MIR2052HG: variants seen among roughly 807,000 people sequenced by gnomAD.
MIR2052HG encodes MIR2052 host gene.
At chr8:74,704,015 ATATTTGAG>A (rs763710012) in intron 4 of MIR2052HG, among the ~76,000 whole-genome samples, 4 of 151,970 alleles carry the variant, frequency 2.6e-5, no homozygotes, top group African/African-American at 4.8e-5. Flanking sequence ...TGTAAAAGGG[ATATTTGAG>A]TAGGGTGGTA....
At chr8:74,742,743 G>A (rs769739669) in intron 4 of MIR2052HG, among the ~76,000 whole-genome samples, 4 of 152,094 alleles carry the variant, frequency 2.6e-5, no homozygotes, top group African/African-American at 9.7e-5. Context: ...CAAGTTATTA[G>A]TTCTCTAGGT....
intron 1 of MIR2052HG, among the ~76,000 whole-genome samples, chr8:74,605,211 G>A (rs1338653424): frequency 6.6e-6 from 1 of 152,118 alleles, no homozygotes; most frequent in East Asian, 1.9e-4. Flanking sequence ...TTACTTGCAT[G>A]CTATTTTTAC....
chr8:74,746,567 AGT>A (rs72103010), intron 4 of MIR2052HG, among the ~76,000 whole-genome samples: 42,025 of 147,468 alleles, frequency 0.28, 6,277 homozygotes, highest in East Asian at 0.65. Context: ...GAGGAGAAGA[AGT>A]GTGTGTGTGT....
chr8:74,621,566 G>A (rs1383463837), intron 2 of MIR2052HG, among the ~76,000 whole-genome samples: 1 of 152,184 alleles, frequency 6.6e-6, no homozygotes, highest in Non-Finnish European at 1.5e-5. Context: ...AGTGCAAGCA[G>A]GGGAAATGCC....
intron 2 of MIR2052HG, among the ~76,000 whole-genome samples, chr8:74,682,830 T>G (rs1057490746): frequency 8.5e-5 from 13 of 152,168 alleles, no homozygotes; most frequent in African/African-American, 2.2e-4. Flanking sequence ...GTAGAAGGAT[T>G]GTTACAGAAA....
chr8:74,730,876 A>T lies in MIR2052HG; in HGVS notation n.372-21565A>T, dbSNP rs564027787. 2.0e-5 allele frequency among the ~76,000 whole-genome samples: 3 copies of T among 152,204 alleles called. No individual in the cohort carries two copies. In the East Asian group the frequency reaches 5.8e-4, roughly 29 times the overall value. On this transcript the variant is annotated intron_variant and non_coding_transcript_variant, in intron 4 of 6. Transcript: ENST00000523442. The stretch of plus-strand genomic sequence containing the variant: ...TTGAAATAAAGGTGAGAATATATAC[A>T]GGATCTTGGGCGGTGGCCAGTGGCC...
At chr8:74,699,524 T>C (rs1809336858) in intron 2 of MIR2052HG, among the ~76,000 whole-genome samples, 1 of 151,730 alleles carries the variant, frequency 6.6e-6, no homozygotes, top group East Asian at 1.9e-4. Context: ...ATATTCTAAG[T>C]GAAGTAACTC....
chr8:74,622,903 G>A (rs1184061515), intron 2 of MIR2052HG, among the ~76,000 whole-genome samples: 1 of 151,942 alleles, frequency 6.6e-6, no homozygotes, highest in Non-Finnish European at 1.5e-5. Context: ...ATTACCTTAA[G>A]TGAAATAAGC....
chr8:74,605,327 TG>T (rs563273460), intron 1 of MIR2052HG, among the ~76,000 whole-genome samples: 66 of 152,360 alleles, frequency 4.3e-4, no homozygotes, highest in African/African-American at 1.5e-3. Context: ...AAAAGCTTCG[TG>T]GGCTAAGCAG....
intron 3 of MIR2052HG, among the ~76,000 whole-genome samples, chr8:74,703,181 G>A (rs1809375135): frequency 6.6e-6 from 1 of 152,034 alleles, no homozygotes; most frequent in Non-Finnish European, 1.5e-5. Flanking sequence ...TAGCGTAAGA[G>A]TACATAGGAC....
chr8:74,633,792 G>A (rs1323921305), intron 2 of MIR2052HG, among the ~76,000 whole-genome samples: 3 of 152,132 alleles, frequency 2.0e-5, no homozygotes, highest in Non-Finnish European at 4.4e-5. Flanking sequence ...GCAATTGGCT[G>A]GTTATAAAGA....
chr8:74,732,690 T>C lies in MIR2052HG; in HGVS notation n.372-19751T>C, dbSNP rs545371015. Reference sequence around the variant, plus strand: ...CAATATAGAACTCTCTCTGAGTAGATGAAGTTTATGTAGAGACCTGAATAA... The same window carrying C: ...CAATATAGAACTCTCTCTGAGTAGACGAAGTTTATGTAGAGACCTGAATAA... On this transcript the variant is annotated intron_variant and non_coding_transcript_variant, in intron 4 of 6. Transcript: ENST00000523442. Among the ~76,000 whole-genome samples the C allele has an allele frequency of 8.5e-5, 13 of 152,284 alleles. 1 individual carries two copies. The South Asian group carries it at 2.5e-3, about 29-fold the overall frequency.
chr8:74,652,200 T>C (rs1272824889), intron 2 of MIR2052HG, among the ~76,000 whole-genome samples: 2 of 152,214 alleles, frequency 1.3e-5, no homozygotes, highest in African/African-American at 4.8e-5. Context: ...AAGGCTGTCT[T>C]ACTCAAAGTA....
At chr8:74,752,947 A>C (rs774755716) in intron 5 of MIR2052HG, among the ~76,000 whole-genome samples, 3 of 152,228 alleles carry the variant, frequency 2.0e-5, no homozygotes, top group Non-Finnish European at 4.4e-5. Context: ...AACTTTATGC[A>C]AGTGACTATT....
chr8:74,745,432 T>G (rs1809873768), intron 4 of MIR2052HG, among the ~76,000 whole-genome samples: 1 of 152,234 alleles, frequency 6.6e-6, no homozygotes, highest in South Asian at 2.1e-4. Flanking sequence ...CTCATATATT[T>G]AAATCATTAT....
At chr8:74,744,653 A>G (rs1462895509) in intron 4 of MIR2052HG, among the ~76,000 whole-genome samples, 2 of 152,000 alleles carry the variant, frequency 1.3e-5, no homozygotes, top group South Asian at 4.1e-4. Flanking sequence ...AAGGACATGA[A>G]CTCATCATTT....
intron 2 of MIR2052HG, among the ~76,000 whole-genome samples, chr8:74,670,526 A>T (rs910565482): frequency 1.3e-5 from 2 of 152,214 alleles, no homozygotes; most frequent in African/African-American, 4.8e-5. Context: ...ACGATGAAAG[A>T]TAATCAAGCA....
At chr8:74,609,352 A>C (rs1808157957) in intron 1 of MIR2052HG, among the ~76,000 whole-genome samples, 1 of 151,996 alleles carries the variant, frequency 6.6e-6, no homozygotes, top group African/African-American at 2.4e-5. Flanking sequence ...TCGCTAGGGA[A>C]TTCTATCAAA....
chr8:74,622,209 G>C (rs1269925106), intron 2 of MIR2052HG, among the ~76,000 whole-genome samples: 1 of 152,064 alleles, frequency 6.6e-6, no homozygotes, highest in Non-Finnish European at 1.5e-5. Context: ...TTAAAGTCAA[G>C]AAAATAAATA....
Sources: allele counts gnomAD v4.1 joint callset (sites outside exome capture counted in the v4.1 genomes callset), GRCh38; gene constraint gnomAD v4.1.1; transcripts MANE v1.5; gene names NCBI Gene and HGNC (gene_info 2026-07-23, HGNC 2026-07-21).